The following CATSPERB variants were observed in gnomAD, a reference collection of about 807,000 sequenced individuals.
CATSPERB encodes the protein cation channel sperm-associated auxiliary subunit beta.
CATSPERB carries 93 observed loss-of-function variants against 128.3 expected under a neutral mutation model. The ratio of observed to expected loss-of-function variants is 0.72; its 90% CI spans 0.61 to 0.86. The LOEUF (loss-of-function observed/expected upper bound fraction) is 0.86, where lower values mean the gene tolerates loss of function less well. Ranked by LOEUF, CATSPERB falls within the 40% of genes least tolerant of loss-of-function variation. The probability of loss-of-function intolerance (pLI) is 0.00; values close to 1 mark genes in which losing one functional copy is unlikely to be tolerated. For missense variants in CATSPERB, 1,153 were observed against 1,329.5 expected (o/e 0.87, Z 2.06); for synonymous variants, 381 against 448.8 (o/e 0.85, Z 1.91).
At chr14:91,654,531 A>G (rs1219487179) in intron 15 of CATSPERB, among the ~76,000 whole-genome samples, 1 of 152,026 alleles carries the variant, frequency 6.6e-6, no homozygotes, top group African/African-American at 2.4e-5. Context: ...CTTCAGGATA[A>G]AGGAGGGAAG....
intron 18 of CATSPERB, among the ~76,000 whole-genome samples, chr14:91,623,055 C>A (rs1352874869): frequency 6.6e-6 from 1 of 152,130 alleles, no homozygotes. Context: ...CCACCAGGCC[C>A]AGCTAATTTT....
At chr14:91,634,669 T>TAC (rs199944406) in intron 17 of CATSPERB, among the ~76,000 whole-genome samples, 8 of 15,878 alleles carry the variant, frequency 5.0e-4, no homozygotes, top group Non-Finnish European at 7.2e-4. Flanking sequence ...TATATATACA[T>TAC]ACACACACAC....
chr14:91,640,148 C>T (rs75059783), intron 15 of CATSPERB, among the ~76,000 whole-genome samples: 2 of 152,110 alleles, frequency 1.3e-5, no homozygotes, highest in Admixed American at 6.5e-5. Context: ...CTGATCCTCA[C>T]GCAAACCTCC....
intron 22 of CATSPERB, among the ~76,000 whole-genome samples, chr14:91,597,199 T>C (rs1351020963): frequency 1.3e-5 from 2 of 152,142 alleles, no homozygotes; most frequent in Non-Finnish European, 2.9e-5. Context: ...CAAAAAGATA[T>C]AATTTATAAT....
intron 22 of CATSPERB, among the ~76,000 whole-genome samples, chr14:91,597,305 A>G (rs1434857357): frequency 6.6e-6 from 1 of 152,218 alleles, no homozygotes; most frequent in Non-Finnish European, 1.5e-5. Context: ...ATTTAACCAA[A>G]GTGATAATTC....
At chr14:91,588,141 CA>C (rs1247791693) in intron 24 of CATSPERB, 63 bp from the exon 25 acceptor site, 2 of 1,003,822 alleles carry the variant, frequency 2.0e-6, no homozygotes, top group Non-Finnish European at 3.0e-6. Flanking sequence ...TAGGTTGGTG[CA>C]AAAGTAATTG....
intron 11 of CATSPERB, among the ~76,000 whole-genome samples, chr14:91,678,920 A>C (rs1434673368): frequency 6.6e-6 from 1 of 152,176 alleles, no homozygotes; most frequent in Non-Finnish European, 1.5e-5. Flanking sequence ...TTCTTAGGTG[A>C]ATCCCTGATG....
chr14:91,641,509 A>G (rs1894499693), intron 15 of CATSPERB, among the ~76,000 whole-genome samples: 1 of 152,090 alleles, frequency 6.6e-6, no homozygotes, highest in Non-Finnish European at 1.5e-5. Flanking sequence ...GTCAAAGATC[A>G]GATAGTTGTG....
intron 15 of CATSPERB, among the ~76,000 whole-genome samples, chr14:91,655,905 C>T (rs1031830671): frequency 6.6e-6 from 1 of 152,144 alleles, no homozygotes; most frequent in African/African-American, 2.4e-5. Context: ...AATAATGAAA[C>T]TCCCAAAGGT....
intron 20 of CATSPERB, among the ~76,000 whole-genome samples, chr14:91,614,471 TG>T (rs1893897073): frequency 6.6e-6 from 1 of 152,202 alleles, no homozygotes; most frequent in African/African-American, 2.4e-5. Flanking sequence ...GAGACCAGCC[TG>T]GGCAACATGG....
At chr14:91,646,773 T>C (rs1894614459) in intron 15 of CATSPERB, among the ~76,000 whole-genome samples, 1 of 152,204 alleles carries the variant, frequency 6.6e-6, no homozygotes, top group African/African-American at 2.4e-5. Flanking sequence ...TCCAATACAA[T>C]GATGAATAGA....
intron 14 of CATSPERB, among the ~76,000 whole-genome samples, chr14:91,665,912 C>T (rs1894976406): frequency 6.6e-6 from 1 of 152,164 alleles, no homozygotes; most frequent in African/African-American, 2.4e-5. Context: ...GTGTCCCTAC[C>T]CAGATCTCAT....
chr14:91,639,339 T>A, intron 15 of CATSPERB, 89 bp from the exon 16 acceptor site: 1 of 1,092,934 alleles, frequency 9.1e-7, no homozygotes, highest in Non-Finnish European at 1.3e-6. Flanking sequence ...CACCTTCATT[T>A]AAACTAAGAG....
chr14:91,705,528 C>T (rs200000810), intron 6 of CATSPERB, among the ~76,000 whole-genome samples: 2 of 152,342 alleles, frequency 1.3e-5, no homozygotes, highest in South Asian at 2.1e-4. Flanking sequence ...AGGTCTTTCA[C>T]GTGGCAAACC....
chr14:91,581,224 C>T (rs1486509978), intron 26 of CATSPERB, 117 bp from the exon 27 acceptor site: 5 of 753,740 alleles, frequency 6.6e-6, no homozygotes, highest in Non-Finnish European at 8.7e-6. Flanking sequence ...GTTACAAAGA[C>T]ATTCAGCATC....
chr14:91,587,829 C>G (rs1003298397), intron 25 of CATSPERB, 149 bp downstream of exon 25: 3 of 589,088 alleles, frequency 5.1e-6, no homozygotes, highest in Non-Finnish European at 8.8e-6. Context: ...AAAAATAAAC[C>G]CTCTTCATAT....
chr14:91,725,451 C>A (rs1016287676), intron 2 of CATSPERB, among the ~76,000 whole-genome samples: 1 of 152,192 alleles, frequency 6.6e-6, no homozygotes, highest in East Asian at 1.9e-4. Flanking sequence ...GTTCTTGACA[C>A]TTCAACGCCT....
intron 13 of CATSPERB, among the ~76,000 whole-genome samples, chr14:91,671,813 C>T (rs1403359453): frequency 1.3e-5 from 2 of 152,020 alleles, no homozygotes; most frequent in Middle Eastern, 3.4e-3. Context: ...GGGCAGATCA[C>T]GAGGTCAGGA....
intron 4 of CATSPERB, among the ~76,000 whole-genome samples, chr14:91,720,027 AG>A (rs1288201283): frequency 2.6e-5 from 4 of 152,338 alleles, no homozygotes; most frequent in African/African-American, 9.6e-5. Flanking sequence ...CCAAAACCAC[AG>A]GTAAGATCTT....
Sources: allele counts gnomAD v4.1 joint callset (sites outside exome capture counted in the v4.1 genomes callset), GRCh38; gene constraint gnomAD v4.1.1; transcripts MANE v1.5; gene names NCBI Gene and HGNC (gene_info 2026-07-23, HGNC 2026-07-21).